TRIOBP: variants seen among roughly 807,000 people sequenced by gnomAD.
The protein encoded by TRIOBP is TRIO and F-actin binding protein.
A neutral mutation model predicts 238.8 loss-of-function variants in TRIOBP; 169 were observed. The observed-to-expected ratio is 0.71, with a 90% CI of 0.62 to 0.80. TRIOBP has a LOEUF of 0.80. Among genes scored for constraint, TRIOBP ranks in the 30% least tolerant of loss-of-function variants. TRIOBP has a pLI of 0.00. For missense variants in TRIOBP, 2,838 were observed against 3,122.6 expected, an observed-to-expected ratio of 0.91 and a Z score of 2.17; for synonymous variants, 1,150 against 1,274.4, an observed-to-expected ratio of 0.90 and a Z score of 2.08.
chr22:37,772,788 G>A, intron 23 of TRIOBP, 24 bp downstream of exon 23: 1 of 1,607,514 alleles, frequency 6.2e-7, no homozygotes, highest in Non-Finnish European at 8.5e-7. Flanking sequence ...CGTGTGCCCT[G>A]CAGGGTGGGC....
chr22:37,715,637 C>T, intron 5 of TRIOBP, 126 bp from the exon 6 acceptor site: 2 of 1,143,680 alleles, frequency 1.7e-6, no homozygotes, highest in Non-Finnish European at 2.5e-6. Flanking sequence ...GCCACAGCGC[C>T]TGGCCAGGGA....
intron 3 of TRIOBP, among the ~76,000 whole-genome samples, chr22:37,707,039 G>T (rs990617364): frequency 6.6e-6 from 1 of 151,942 alleles, no homozygotes; most frequent in Non-Finnish European, 1.5e-5. Context: ...AGGCCGAGGC[G>T]GGTGGATCAC....
chr22:37,717,013 A>C (rs1923555048), intron 6 of TRIOBP, among the ~76,000 whole-genome samples: 1 of 152,212 alleles, frequency 6.6e-6, no homozygotes, highest in Admixed American at 6.5e-5. Context: ...GACTTCAAGA[A>C]TGAAGCGGCA....
At chr22:37,729,559 G>A (rs1284543712) in intron 7 of TRIOBP, among the ~76,000 whole-genome samples, 1 of 151,980 alleles carries the variant, frequency 6.6e-6, no homozygotes, top group Non-Finnish European at 1.5e-5. Flanking sequence ...AACTCAGCAG[G>A]GACATTAAGG....
chr22:37,773,304 A>C (rs1349793753), intron 23 of TRIOBP, among the ~76,000 whole-genome samples: 1 of 152,030 alleles, frequency 6.6e-6, no homozygotes, highest in East Asian at 1.9e-4. Context: ...CTGCAGCCTC[A>C]ACCTCCTAGG....
intron 9 of TRIOBP, 103 bp downstream of exon 9, chr22:37,735,545 C>A: frequency 7.3e-6 from 10 of 1,364,716 alleles, no homozygotes; most frequent in Non-Finnish European, 1.0e-5. Context: ...GCTCCTGCAT[C>A]CCCCTCCAGG....
chr22:37,725,118 A>G lies in TRIOBP; in HGVS notation c.2562A>G (p.Thr854=), dbSNP rs758586437. The change falls in exon 7 of 24, where the codon ACA becomes ACG. Residue 854 remains threonine (T), a synonymous_variant. Transcript: ENST00000644935. Reference sequence around the variant, plus strand: ...CCACTTGTACACAGCGGGACCGCACACAGTCCTTTTCCTTTCAACGAGACA... The same window carrying G: ...CCACTTGTACACAGCGGGACCGCACGCAGTCCTTTTCCTTTCAACGAGACA... The part of the protein sequence containing the change: ...LRPTCTQRDR[T]QSFSFQRDNP... 2.5e-6 allele frequency: 4 copies of G among 1,614,094 alleles called. No individual in the cohort carries two copies. In the South Asian group the frequency reaches 3.3e-5, roughly 13 times the overall value.
At position 37,776,481 on chromosome 22, in the gene TRIOBP, C is replaced by T. The variant is rs1175529169; in HGVS notation, c.*2701C>T. ...CTTACATGCACAAAAGGATGAGTAC[C>T]GTAATACTCACATCAGCAAATAAAC... is the stretch of plus-strand genomic sequence containing the variant. On this transcript the variant is annotated 3_prime_UTR_variant, in exon 24 of 24. Transcript: ENST00000644935. 1.3e-5 allele frequency: 2 copies of T among 152,196 alleles called. 1 individual carries two copies. The highest frequency in any genetic ancestry group is 6.8e-3 in the Middle Eastern group (2 of 294). 9.4% of individuals were successfully genotyped at this position (152,196 alleles called of 1,614,324 possible).
Position 37,710,449 on chromosome 22 carries a change from C to T in TRIOBP, c.137C>T (p.Ala46Val), listed in dbSNP as rs1413077636. Residue 46 changes from alanine (A) to valine (V), a missense_variant, in exon 4 of 24, where the codon GCT becomes GTT. Physicochemically the swap from Ala to Val is moderately conservative, Grantham distance 64. Transcript: ENST00000644935. ...RYQELRSPSG[A>V]EVPYCDLPRC... ...CAGGAGCTCAGGAGCCCTTCAGGTG[C>T]TGAGGTGCCCTACTGCGACCTGCCT... 27 of 1,613,542 alleles carry T rather than the reference C, an allele frequency of 1.7e-5. No homozygotes were observed. Among genetic ancestry groups the T allele is most frequent in the Non-Finnish European group, 2.3e-5 (27 of 1,180,014 alleles).
intron 7 of TRIOBP, among the ~76,000 whole-genome samples, chr22:37,729,006 T>C (rs1056711645): frequency 1.6e-4 from 24 of 152,028 alleles, no homozygotes; most frequent in African/African-American, 5.8e-4. Context: ...ACCTCTGCCT[T>C]CTGGGTTCAA....
chr22:37,754,078 C>T (rs1925775111), intron 12 of TRIOBP, among the ~76,000 whole-genome samples: 1 of 152,194 alleles, frequency 6.6e-6, no homozygotes, highest in Non-Finnish European at 1.5e-5. Flanking sequence ...GGCGCTCTCA[C>T]CTGCTGCGGA....
intron 9 of TRIOBP, among the ~76,000 whole-genome samples, chr22:37,736,402 C>T (rs1029373504): frequency 2.6e-5 from 4 of 152,236 alleles, no homozygotes; most frequent in East Asian, 1.9e-4. Flanking sequence ...CAAAGTCCAA[C>T]GCCACCTGCC....
chr22:37,703,568 G>A (rs1022603315), intron 3 of TRIOBP, among the ~76,000 whole-genome samples: 2 of 147,234 alleles, frequency 1.4e-5, no homozygotes, highest in African/African-American at 2.5e-5. Flanking sequence ...ACAGTGGTGC[G>A]ATCTGGGCTC....
intron 6 of TRIOBP, among the ~76,000 whole-genome samples, chr22:37,720,917 G>C (rs1018766281): frequency 6.6e-6 from 1 of 152,154 alleles, no homozygotes; most frequent in East Asian, 1.9e-4. Flanking sequence ...GAGTGCAGTG[G>C]CCAGATCTCA....
intron 16 of TRIOBP, 73 bp from the exon 17 acceptor site, chr22:37,759,081 G>C: frequency 7.9e-7 from 1 of 1,268,198 alleles, no homozygotes; most frequent in Non-Finnish European, 1.1e-6. Context: ...CTGGAAGCCT[G>C]CGGGCTCCTC....
In TRIOBP at chr22:37,727,895, A is replaced by G. The variant is rs867776495; in HGVS notation, c.3947+1392A>G. 2.0e-4 allele frequency among the ~76,000 whole-genome samples: 30 copies of G among 152,310 alleles called. No homozygotes were observed. The Middle Eastern group carries it at 0.01, about 52-fold the overall frequency. ...TCCAGCCCTCGAGTTTTCAAGAATC[A>G]GAGCTAGAATTCCATTAGTTAGGGT... On this transcript the variant is annotated intron_variant, in intron 7 of 23. Transcript: ENST00000644935.
In TRIOBP at chr22:37,748,231, GCTGCCATGCAGAC is replaced by G. The variant is rs528590331; in HGVS notation, c.5323-3538_5323-3526del. On this transcript the variant is annotated intron_variant, in intron 11 of 23. Coordinates refer to ENST00000644935, the MANE Select transcript of TRIOBP (RefSeq NM_001039141.3). ...AATAGTGTTCATTGAGTTCATCCTG[GCTGCCATGCAGAC>G]CTCAGCCTGCTCTCAGCTGGTGCTC... Among the ~76,000 whole-genome samples the G allele has an allele frequency of 6.6e-5, 10 of 152,280 alleles. No homozygotes were observed. The South Asian group carries it at 2.1e-3, about 32-fold the overall frequency.
intron 12 of TRIOBP, among the ~76,000 whole-genome samples, chr22:37,753,597 C>T (rs1321130243): frequency 1.3e-5 from 2 of 152,154 alleles, no homozygotes; most frequent in Admixed American, 6.5e-5. Context: ...TTCTTAGTAG[C>T]CCTACTTTAT....
intron 17 of TRIOBP, among the ~76,000 whole-genome samples, chr22:37,763,095 C>T (rs949837643): frequency 2.0e-5 from 3 of 152,190 alleles, no homozygotes; most frequent in African/African-American, 4.8e-5. Flanking sequence ...TCAGCCCCTG[C>T]ACCCCTGAGC....
Sources: allele counts gnomAD v4.1 joint callset (sites outside exome capture counted in the v4.1 genomes callset), GRCh38; gene constraint gnomAD v4.1.1; transcripts MANE v1.5; gene names NCBI Gene and HGNC (gene_info 2026-07-23, HGNC 2026-07-21).